FIG4: variants seen among roughly 807,000 people sequenced by gnomAD.
FIG4 encodes polyphosphoinositide phosphatase.
Under a neutral mutation model 118.6 loss-of-function variants are expected in FIG4, and 112 were observed. The observed-to-expected ratio is 0.94, with a 90% CI of 0.81 to 1.11. The LOEUF (loss-of-function observed/expected upper bound fraction) is 1.11, where lower values mean the gene tolerates loss of function less well. FIG4 is among the 50% of genes least tolerant of loss of function. The pLI, the probability that FIG4 is intolerant of heterozygous loss-of-function variation, is 0.00. For missense variants in FIG4, 969 were observed against 1,111.7 expected, an observed-to-expected ratio of 0.87 and a Z score of 1.83; for synonymous variants, 369 against 381.2, an observed-to-expected ratio of 0.97 and a Z score of 0.37.
At chr6:109,771,494 A>G (rs1246233534) in intron 15 of FIG4, among the ~76,000 whole-genome samples, 4 of 117,620 alleles carry the variant, frequency 3.4e-5, no homozygotes, top group Admixed American at 1.1e-4. Context: ...TTTGAGACAG[A>G]GTCTCGCTCT....
intron 10 of FIG4, among the ~76,000 whole-genome samples, chr6:109,752,617 G>T (rs1277410717): frequency 1.3e-5 from 2 of 152,262 alleles, no homozygotes; most frequent in Admixed American, 6.5e-5. Flanking sequence ...TCATGTGTCT[G>T]TTGGCTGCAT....
intron 22 of FIG4, among the ~76,000 whole-genome samples, chr6:109,816,089 G>A (rs1778855347): frequency 6.6e-6 from 1 of 152,148 alleles, no homozygotes; most frequent in African/African-American, 2.4e-5. Context: ...GCCAAAGCCT[G>A]GAAATCTGTG....
intron 1 of FIG4, among the ~76,000 whole-genome samples, chr6:109,699,707 T>A (rs1221761806): frequency 6.6e-6 from 1 of 152,096 alleles, no homozygotes; most frequent in Non-Finnish European, 1.5e-5. Context: ...TTTCACCATG[T>A]TGGCTAGCCT....
intron 1 of FIG4, chr6:109,701,855 C>T (rs1019083432): frequency 4.0e-5 from 17 of 425,634 alleles, no homozygotes; most frequent in South Asian, 1.0e-4. Context: ...AGAAACATAG[C>T]GATTATATTA....
chr6:109,805,093 G>T (rs564995583), intron 22 of FIG4, among the ~76,000 whole-genome samples: 1 of 152,136 alleles, frequency 6.6e-6, no homozygotes, highest in Non-Finnish European at 1.5e-5. Flanking sequence ...TTCAGTTTTA[G>T]GTATAGCAGC....
chr6:109,695,343 GC>G (rs1352059299), intron 1 of FIG4, among the ~76,000 whole-genome samples: 1 of 152,194 alleles, frequency 6.6e-6, no homozygotes. Flanking sequence ...GTCAGAAGGA[GC>G]AAAATTGGAA....
At chr6:109,777,514 T>C (rs1328678101) in intron 16 of FIG4, among the ~76,000 whole-genome samples, 1 of 152,236 alleles carries the variant, frequency 6.6e-6, no homozygotes, top group Admixed American at 6.5e-5. Flanking sequence ...CTTGAAACTC[T>C]CAAGGACTCT....
At chr6:109,707,974 C>T in intron 1 of FIG4, among the ~76,000 whole-genome samples, 1 of 148,790 alleles carries the variant, frequency 6.7e-6, no homozygotes, top group African/African-American at 2.5e-5. Context: ...TTTGATTATT[C>T]ATTTTATTCT....
In FIG4 at chr6:109,825,417, G is replaced by T. The variant is rs1199224755; in HGVS notation, c.*152G>T. 1.4e-5 allele frequency: 10 copies of T among 694,696 alleles called. No homozygotes were observed. 43.0% of individuals were successfully genotyped at this position (694,696 alleles called of 1,614,324 possible). On this transcript the variant is annotated 3_prime_UTR_variant, in exon 23 of 23. Coordinates refer to ENST00000230124, the MANE Select transcript of FIG4 (RefSeq NM_014845.6). ...ATTCCAAATTATAGCTAATAAAGATGACTAGATAATTTGCTGTTGTTGCCT... is the reference window on the plus strand; with the variant it reads ...ATTCCAAATTATAGCTAATAAAGATTACTAGATAATTTGCTGTTGTTGCCT...
At chr6:109,792,734 ACC>A in intron 21 of FIG4, 70 bp downstream of exon 21, 1 of 681,346 alleles carries the variant, frequency 1.5e-6, no homozygotes, top group South Asian at 1.7e-5. Context: ...TAACTACTAT[ACC>A]TTTTTTTTTT....
At chr6:109,698,376 A>G (rs1240597917) in intron 1 of FIG4, among the ~76,000 whole-genome samples, 1 of 152,190 alleles carries the variant, frequency 6.6e-6, no homozygotes, top group Non-Finnish European at 1.5e-5. Context: ...TCTAATAAAA[A>G]GCCTGTTGGG....
chr6:109,794,650 C>T (rs1156778417), intron 21 of FIG4, among the ~76,000 whole-genome samples: 2 of 152,242 alleles, frequency 1.3e-5, no homozygotes, highest in African/African-American at 4.8e-5. Context: ...TTAGTGCCTC[C>T]TCTGATCCAA....
intron 22 of FIG4, among the ~76,000 whole-genome samples, chr6:109,809,135 G>C (rs1217194537): frequency 1.3e-5 from 2 of 152,040 alleles, no homozygotes; most frequent in Non-Finnish European, 2.9e-5. Flanking sequence ...ATATTTGAAG[G>C]CTTATTTGGA....
rs17070915 is a variant in FIG4, at chr6:109,741,348, G to T, written c.776-96G>T. ...GCTTTTGGTGTTCTTTAAGCCATTG[G>T]ACAAGCTGTATCTAAATGTTTATTT... is the stretch of plus-strand genomic sequence containing the variant. On this transcript the variant is annotated intron_variant, in intron 7 of 22. Transcript: ENST00000230124. 0.027 allele frequency: 22,906 copies of T among 840,334 alleles called. 655 individuals are homozygous for T. The highest frequency in any genetic ancestry group is 0.092 in the East Asian group (3,793 of 41,312). The allele number at this position is 840,334 out of a possible 1,614,324, so 52.1% of individuals were successfully genotyped here.
rs761839385 is a variant in FIG4, at chr6:109,777,084, T to C, written c.1889+24T>C. 13 of 1,599,958 alleles carry C rather than the reference T, an allele frequency of 8.1e-6. No individual in the cohort carries two copies. In the East Asian group the frequency reaches 1.8e-4, roughly 22 times the overall value. ...AGGTATTTTTCTTCCTAGTCTGTAA[T>C]ATAAACTCCCATTTGGTGTTATTTT... On this transcript the variant is annotated intron_variant, in intron 16 of 22. Coordinates refer to ENST00000230124, the MANE Select transcript of FIG4 (RefSeq NM_014845.6).
chr6:109,738,391 T>C lies in FIG4; in HGVS notation c.713T>C (p.Ile238Thr). 6.2e-7 allele frequency: 1 copy of C among 1,612,016 alleles called. No homozygotes were observed. The highest frequency in any genetic ancestry group is 2.2e-5 in the East Asian group (1 of 44,812). ...TGGAATGGTGAACTTCTGGATATAA[T>C]TAAAAGTACTGTGCATCGTGACTGG... Reference protein sequence around the residue: ...YVWNGELLDIIKSTVHRDWLL... With the variant: ...YVWNGELLDITKSTVHRDWLL... Residue 238 changes from isoleucine (I) to threonine (T), a missense_variant, in exon 7 of 23, where the codon ATT (isoleucine) becomes ACT (threonine). Around this residue, in one of 3 missense-constraint regions of FIG4, gnomAD observed 393 missense variants for 409.4 expected, o/e 0.96. Transcript: ENST00000230124.
intron 15 of FIG4, 24 bp downstream of exon 15, chr6:109,766,919 T>C: frequency 1.2e-6 from 2 of 1,602,106 alleles, no homozygotes; most frequent in Non-Finnish European, 1.7e-6. Context: ...AATAGCTATT[T>C]TTAAGACTTA....
At chr6:109,753,634 A>T (rs886639901) in intron 10 of FIG4, among the ~76,000 whole-genome samples, 1 of 152,176 alleles carries the variant, frequency 6.6e-6, no homozygotes, top group Non-Finnish European at 1.5e-5. Context: ...AGTGGTTTGT[A>T]GTCCTCCTTG....
intron 7 of FIG4, among the ~76,000 whole-genome samples, chr6:109,740,875 A>C (rs1776301576): frequency 6.6e-6 from 1 of 152,146 alleles, no homozygotes; most frequent in African/African-American, 2.4e-5. Flanking sequence ...CAGGAAACTT[A>C]CAATCATGGT....
Sources: allele counts gnomAD v4.1 joint callset (sites outside exome capture counted in the v4.1 genomes callset), GRCh38; gene constraint gnomAD v4.1.1; regional missense constraint gnomAD v4.1.1; transcripts MANE v1.5; gene names NCBI Gene and HGNC (gene_info 2026-07-23, HGNC 2026-07-21).